MAGI2: variants seen among roughly 807,000 people sequenced by gnomAD.
MAGI2 encodes membrane-associated guanylate kinase, WW and PDZ domain-containing protein 2.
MAGI2 carries 35 observed loss-of-function variants against 133.3 expected under a neutral mutation model. That is an observed-to-expected ratio of 0.26 (90% CI 0.20 to 0.35). The LOEUF (loss-of-function observed/expected upper bound fraction) is 0.35, where lower values mean the gene tolerates loss of function less well. MAGI2 is among the 10% of genes least tolerant of loss of function. The pLI is 1.00. For synonymous variants in MAGI2, 729 were observed against 710.6 expected, an observed-to-expected ratio of 1.03 and a Z score of -0.41; for missense variants, 1,636 against 1,863.4, an observed-to-expected ratio of 0.88 and a Z score of 2.25.
chr7:79,155,854 G>A (rs188646954), intron 1 of MAGI2, among the ~76,000 whole-genome samples: 151 of 152,204 alleles, frequency 9.9e-4, no homozygotes, highest in African/African-American at 3.5e-3. Flanking sequence ...GTCTTCATCC[G>A]ACTACAAAAC....
chr7:78,127,453 T>C (rs1821106991), intron 18 of MAGI2, 37 bp from the exon 19 acceptor site: 2 of 1,529,624 alleles, frequency 1.3e-6, no homozygotes, highest in Non-Finnish European at 9.0e-7. Flanking sequence ...TTTGTAACTC[T>C]GCATTCTAAA....
At chr7:78,928,129 T>C (rs374968224) in intron 2 of MAGI2, among the ~76,000 whole-genome samples, 1 of 151,952 alleles carries the variant, frequency 6.6e-6, no homozygotes, top group Non-Finnish European at 1.5e-5. Context: ...ATATATAGCA[T>C]AGGATTTTCA....
chr7:78,025,921 C>T (rs1432906927), intron 21 of MAGI2: 2 of 152,258 alleles, frequency 1.3e-5, no homozygotes, highest in East Asian at 1.9e-4. Flanking sequence ...AATAGCTTTA[C>T]TTAAAGGAGC....
intron 2 of MAGI2, among the ~76,000 whole-genome samples, chr7:78,769,047 G>C (rs756371867): frequency 2.0e-5 from 3 of 152,114 alleles, no homozygotes; most frequent in Non-Finnish European, 4.4e-5. Flanking sequence ...GAACAGTGTG[G>C]CTGCTGTAGC....
At chr7:78,210,364 G>C (rs1026904715) in intron 10 of MAGI2, among the ~76,000 whole-genome samples, 1 of 152,102 alleles carries the variant, frequency 6.6e-6, no homozygotes, top group Non-Finnish European at 1.5e-5. Context: ...GATGAGTCCC[G>C]GAGATTTGCT....
At chr7:78,960,103 A>G (rs1802717064) in intron 2 of MAGI2, among the ~76,000 whole-genome samples, 1 of 152,146 alleles carries the variant, frequency 6.6e-6, no homozygotes, top group East Asian at 1.9e-4. Flanking sequence ...CTAGAATCCT[A>G]ATGCACCATG....
At chr7:79,426,438 A>G (rs966852540) in intron 1 of MAGI2, among the ~76,000 whole-genome samples, 26 of 152,158 alleles carry the variant, frequency 1.7e-4, no homozygotes, top group African/African-American at 5.5e-4. Context: ...CACTATGCCA[A>G]TCTAAAGGTA....
chr7:79,363,217 C>A (rs1242957981), intron 1 of MAGI2, among the ~76,000 whole-genome samples: 1 of 145,704 alleles, frequency 6.9e-6, no homozygotes, highest in East Asian at 2.2e-4. Flanking sequence ...AAATGAAATT[C>A]TTAGGTATAC....
chr7:79,259,158 TG>T (rs1833904725), intron 1 of MAGI2, among the ~76,000 whole-genome samples: 1 of 152,242 alleles, frequency 6.6e-6, no homozygotes, highest in Non-Finnish European at 1.5e-5. Context: ...ACTCAATGAA[TG>T]TTATAAATAA....
intron 10 of MAGI2, among the ~76,000 whole-genome samples, chr7:78,224,681 A>C (rs865942989): frequency 2.0e-5 from 3 of 148,692 alleles, no homozygotes; most frequent in Non-Finnish European, 3.0e-5. Context: ...CAACAACAGC[A>C]ACAACAACGT....
At chr7:78,639,955 G>A (rs1810103359) in intron 2 of MAGI2, among the ~76,000 whole-genome samples, 1 of 152,184 alleles carries the variant, frequency 6.6e-6, no homozygotes, top group African/African-American at 2.4e-5. Context: ...TGCCTCTGAA[G>A]GGATAAAAAA....
At chr7:78,416,282 T>TGATATGGCAAGCTAGGGCTG (rs2151389034) in intron 6 of MAGI2, among the ~76,000 whole-genome samples, 1 of 152,184 alleles carries the variant, frequency 6.6e-6, no homozygotes, top group Non-Finnish European at 1.5e-5. Flanking sequence ...AGTTAGGCAG[T>TGATATGGCAAGCTAGGGCTG]GATATGGCAA....
At chr7:78,236,875 T>C (rs1304885467) in intron 10 of MAGI2, among the ~76,000 whole-genome samples, 1 of 151,982 alleles carries the variant, frequency 6.6e-6, no homozygotes, top group East Asian at 1.9e-4. Context: ...CTCACAATCA[T>C]GGTGGAAGGA....
chr7:78,861,212 C>T (rs1203478167), intron 2 of MAGI2, among the ~76,000 whole-genome samples: 2 of 152,188 alleles, frequency 1.3e-5, no homozygotes, highest in Non-Finnish European at 1.5e-5. Flanking sequence ...GATGCCCCGC[C>T]CTGCTCTGTG....
intron 3 of MAGI2, among the ~76,000 whole-genome samples, chr7:78,554,900 G>A (rs934242125): frequency 4.6e-5 from 7 of 152,114 alleles, no homozygotes; most frequent in African/African-American, 1.7e-4. Flanking sequence ...ACTTTGGGAA[G>A]CTGCGGTGTG....
intron 2 of MAGI2, among the ~76,000 whole-genome samples, chr7:78,838,203 T>A (rs1256384479): frequency 2.0e-5 from 3 of 152,140 alleles, no homozygotes; most frequent in African/African-American, 7.2e-5. Context: ...ATCTTAAATA[T>A]CTGCTTAGTC....
At chr7:78,501,385 G>A (rs954153264) in intron 5 of MAGI2, among the ~76,000 whole-genome samples, 192 bp downstream of exon 5, 4 of 151,598 alleles carry the variant, frequency 2.6e-5, no homozygotes, top group African/African-American at 9.7e-5. Context: ...TCCATTATTT[G>A]ATTTATAGCT....
intron 2 of MAGI2, among the ~76,000 whole-genome samples, chr7:78,884,091 T>G (rs565881701): frequency 6.6e-6 from 1 of 152,220 alleles, no homozygotes; most frequent in South Asian, 2.1e-4. Context: ...GGAGAAAATA[T>G]TTGCAAACTA....
At chr7:78,882,136 A>C (rs1335607673) in intron 2 of MAGI2, among the ~76,000 whole-genome samples, 11 of 144,282 alleles carry the variant, frequency 7.6e-5, no homozygotes, top group African/African-American at 2.8e-4. Flanking sequence ...AAAAAGAGAG[A>C]GAGAGAAGAC....
Sources: gnomAD v4.1 joint callset for allele counts (sites outside exome capture counted in the v4.1 genomes callset) on GRCh38, gnomAD v4.1.1 for gene constraint, MANE v1.5 for transcripts, NCBI Gene and HGNC (gene_info 2026-07-23, HGNC 2026-07-21) for gene names.